The following EHMT2 variants were observed in gnomAD, a reference collection of about 807,000 sequenced individuals.
EHMT2 encodes the protein histone-lysine N-methyltransferase EHMT2.
In EHMT2, 59 loss-of-function variants were observed where a neutral mutation model predicts 143.3. The ratio of observed to expected loss-of-function variants is 0.41; its 90% CI spans 0.33 to 0.51. The LOEUF (loss-of-function observed/expected upper bound fraction) is 0.51, where lower values mean the gene tolerates loss of function less well. EHMT2 is among the 20% of genes least tolerant of loss of function. EHMT2 has a pLI of 0.18. For synonymous variants in EHMT2, 604 were observed against 651.5 expected, an observed-to-expected ratio of 0.93 and a Z score of 1.11; for missense variants, 1,174 against 1,645.9, an observed-to-expected ratio of 0.71 and a Z score of 4.96.
exon 14 of EHMT2, chr6:31,887,804 C>T: frequency 6.2e-7 from 1 of 1,604,232 alleles, no homozygotes; most frequent in Non-Finnish European, 8.5e-7. Context: ...ATGACCAGGG[C>T]CTTTTCCAGG....
chr6:31,884,389 C>T lies in EHMT2; in HGVS notation c.2771+3G>A, dbSNP rs1562481002. ...TGGGTGCAGAGAGGGGCCCAGGGCT[C>T]ACCGGCAGATGATCTTCTCTGTGCG... On this transcript the variant is annotated splice_donor_region_variant and intron_variant, in intron 21 of 27. Coordinates refer to ENST00000375537, the Ensembl canonical transcript of EHMT2. This position sits in a 1 kb window ranked among gnomAD's most constrained non-coding sequence, Gnocchi z 7.3. 1 of 1,610,424 alleles carries T rather than the reference C, an allele frequency of 6.2e-7. No homozygotes were observed. Among genetic ancestry groups the T allele is most frequent in the South Asian group, 1.1e-5 (1 of 90,996 alleles).
chr6:31,896,960 C>A, exon 2 of EHMT2: 1 of 1,589,260 alleles, frequency 6.3e-7, no homozygotes, highest in Non-Finnish European at 8.5e-7. Flanking sequence ...TCTCCAGCAG[C>A]AGCGCCCCCA....
chr6:31,896,813 A>G, exon 3 of EHMT2: 1 of 1,612,970 alleles, frequency 6.2e-7, no homozygotes, highest in Non-Finnish European at 8.5e-7. Flanking sequence ...GTGTCCCCCA[A>G]AGAGCCATGA....
rs1423534695 is a variant in EHMT2 at position 31,881,396 on chromosome 6, G to A, written c.3198-304C>T. ...GGACACAGAGAGGTTTGTGTTCCAGGAGCCACCCGGCAGGAATGGGCGATA... is the reference window on the plus strand; with the variant it reads ...GGACACAGAGAGGTTTGTGTTCCAGAAGCCACCCGGCAGGAATGGGCGATA... On this transcript the variant is annotated intron_variant, in intron 25 of 27. Transcript: ENST00000375537. This position sits in a 1 kb window ranked among gnomAD's most constrained non-coding sequence, Gnocchi z 4.8. 2.0e-6 allele frequency: 1 copy of A among 511,772 alleles called. No individual in the cohort carries two copies. The highest frequency in any genetic ancestry group is 3.6e-6 in the Non-Finnish European group (1 of 281,460). 31.7% of individuals were successfully genotyped at this position (511,772 alleles called of 1,614,324 possible).
rs200766242 is a variant in EHMT2, at chr6:31,889,069, T to C, written c.1116A>G (p.Gly372=). ...GGCCTGAGGAGCCCACACCATTCACTCCTGACACAGAGACAGAGAGAGTGA... is the reference window on the plus strand; with the variant it reads ...GGCCTGAGGAGCCCACACCATTCACCCCTGACACAGAGACAGAGAGAGTGA... The change falls in exon 10 of 28, where the codon GGA becomes GGG. Residue 372 remains glycine, a splice_region_variant and synonymous_variant. Coordinates refer to ENST00000375537, the Ensembl canonical transcript of EHMT2. This position sits in a 1 kb window ranked among gnomAD's most constrained non-coding sequence, Gnocchi z 5.1. The C allele has an allele frequency of 1.5e-4, 239 of 1,602,156 alleles. 2 individuals carry two copies. The highest frequency in any genetic ancestry group is 6.8e-4 in the Middle Eastern group (4 of 5,924).
chr6:31,884,468 A>T lies in EHMT2; in HGVS notation c.2695T>A (p.Phe899Ile). The change falls in exon 21 of 28, where the codon TTT becomes ATT. Residue 899 changes from phenylalanine to isoleucine, a missense_variant. By Grantham distance (21) the Phe-to-Ile change is conservative. Around this residue, in one of 6 missense-constraint regions of EHMT2, gnomAD observed 608 missense variants for 903.7 expected, o/e 0.67. Coordinates refer to ENST00000375537, the Ensembl canonical transcript of EHMT2. The surrounding 1 kb of genome is among the most constrained non-coding windows in gnomAD (Gnocchi z 7.3). Reference sequence around the variant, plus strand: ...AGCTTGCGGTTGAGTTGAAGCGCAAACCACACGTCGGAGCGCTCGGGAGTC... The same window carrying T: ...AGCTTGCGGTTGAGTTGAAGCGCAATCCACACGTCGGAGCGCTCGGGAGTC... 6.2e-7 allele frequency: 1 copy of T among 1,612,914 alleles called. No homozygotes were observed.
intron 25 of EHMT2, among the ~76,000 whole-genome samples, chr6:31,882,246 TGAG>T (rs1320631671): frequency 2.0e-5 from 3 of 151,994 alleles, no homozygotes; most frequent in Non-Finnish European, 4.4e-5. Flanking sequence ...GACAGGCCCC[TGAG>T]GAGGTGGACA....
intron 24 of EHMT2, 49 bp downstream of exon 24, chr6:31,882,845 G>C (rs1338824286): frequency 1.2e-6 from 2 of 1,611,702 alleles, no homozygotes; most frequent in East Asian, 4.5e-5. Context: ...CAGGGGCAGG[G>C]AGGAAAGGGT....
rs1481635529 is a variant in EHMT2 at position 31,884,258 on chromosome 6, G to C, written c.2771+134C>G. The C allele has an allele frequency of 9.6e-7, 1 of 1,043,946 alleles. No individual in the cohort carries two copies. The highest frequency in any genetic ancestry group is 1.6e-5 in the African/African-American group (1 of 62,660). The allele number at this position is 1,043,946 out of a possible 1,614,324, so 64.7% of individuals were successfully genotyped here. On this transcript the variant is annotated intron_variant, in intron 21 of 27. Transcript: ENST00000375537. The surrounding 1 kb of genome is among the most constrained non-coding windows in gnomAD (Gnocchi z 7.3). ...ATCTGGCAACCCTAGTGGGGAGGGG[G>C]CCTGTGGGTGGTTCTGGGGATTCAG...
rs1562501314 is a variant in EHMT2, at chr6:31,889,632, A to G, written c.865-30T>C. ...GAGAGAGGCAGAACAGACATATCCA[A>G]CCCCCAGGACTCAGACAATGAGGTG... On this transcript the variant is annotated intron_variant, in intron 7 of 27. Coordinates refer to ENST00000375537, the Ensembl canonical transcript of EHMT2. This position sits in a 1 kb window ranked among gnomAD's most constrained non-coding sequence, Gnocchi z 5.1. 2 of 1,604,676 alleles carry G rather than the reference A, an allele frequency of 1.2e-6. No homozygotes were observed. Among genetic ancestry groups the G allele is most frequent in the Admixed American group, 1.7e-5 (1 of 59,784 alleles).
chr6:31,893,738 T>C (rs1765998071), intron 4 of EHMT2: 1 of 254,158 alleles, frequency 3.9e-6, no homozygotes, highest in Non-Finnish European at 7.9e-6. Context: ...CTAAGTGAAA[T>C]AAGCCAGTCA....
Position 31,889,230 on chromosome 6 carries a change from C to G in EHMT2, c.1112G>C (p.Arg371Pro). ...CAAAAGCAGCAGAGCCTCCTCACCT[C>G]GTGGCTCCTTGGCCCGCGGAGGCTC... Residue 371 changes from arginine (R) to proline (P), a missense_variant and splice_region_variant, in exon 9 of 28, where the codon CGA (arginine) becomes CCA (proline). By Grantham distance (103) the Arg-to-Pro change is moderately radical. This residue lies in a region of EHMT2 where 608 missense variants were observed against 903.7 expected (regional missense o/e 0.67). Transcript: ENST00000375537. The surrounding 1 kb of genome is among the most constrained non-coding windows in gnomAD (Gnocchi z 5.1). 6.2e-7 allele frequency: 1 copy of G among 1,605,050 alleles called. No homozygotes were observed. Among genetic ancestry groups the G allele is most frequent in the Non-Finnish European group, 8.5e-7 (1 of 1,176,758 alleles).
rs751539183 is a variant in EHMT2 at position 31,889,062 on chromosome 6, C to CATT, written c.1120_1122dup (p.Asn374dup). ...TCACTGGGGCCTGAGGAGCCCACAC[C>CATT]ATTCACTCCTGACACAGAGACAGAG... On this transcript the variant is annotated inframe_insertion, in exon 10 of 28. Transcript: ENST00000375537. This position sits in a 1 kb window ranked among gnomAD's most constrained non-coding sequence, Gnocchi z 5.1. 66 of 1,604,040 alleles carry CATT rather than the reference C, an allele frequency of 4.1e-5. No individual in the cohort carries two copies. Among genetic ancestry groups the CATT allele is most frequent in the Non-Finnish European group, 5.5e-5 (65 of 1,176,298 alleles).
chr6:31,884,265 G>A lies in EHMT2; in HGVS notation c.2771+127C>T. On this transcript the variant is annotated intron_variant, in intron 21 of 27. Transcript: ENST00000375537. The surrounding 1 kb of genome is among the most constrained non-coding windows in gnomAD (Gnocchi z 7.3). The stretch of plus-strand genomic sequence containing the variant: ...AACCCTAGTGGGGAGGGGGCCTGTG[G>A]GTGGTTCTGGGGATTCAGTGGTGCA... 1.8e-6 allele frequency: 2 copies of A among 1,139,766 alleles called. No homozygotes were observed. 70.6% of individuals were successfully genotyped at this position (1,139,766 alleles called of 1,614,324 possible). A position where few individuals can be genotyped will look rare whatever the true frequency, so the allele number is the denominator to read the frequency against.
chr6:31,886,735 CCT>C (rs1764901291), intron 17 of EHMT2, 38 bp downstream of exon 17: 10 of 1,613,756 alleles, frequency 6.2e-6, no homozygotes, highest in Non-Finnish European at 8.5e-6. Context: ...AAACCTGGTC[CCT>C]GACTCCGGGG....
At position 31,881,976 on chromosome 6, in the gene EHMT2, G is replaced by A. The variant is rs113481736; in HGVS notation, c.3197+723C>T. 6.6e-6 allele frequency among the ~76,000 whole-genome samples: 1 copy of A among 152,020 alleles called. No homozygotes were observed. The highest frequency in any genetic ancestry group is 1.5e-5 in the Non-Finnish European group (1 of 68,000). Reference sequence around the variant, plus strand: ...AAAAATTAGCCGGGTGTGGTGGTGCGCACCTGTAATCCCAGCTACTTGGGA... The same window carrying A: ...AAAAATTAGCCGGGTGTGGTGGTGCACACCTGTAATCCCAGCTACTTGGGA... On this transcript the variant is annotated intron_variant, in intron 25 of 27. Coordinates refer to ENST00000375537, the Ensembl canonical transcript of EHMT2. This position sits in a 1 kb window ranked among gnomAD's most constrained non-coding sequence, Gnocchi z 4.8.
At chr6:31,890,139 A>C (rs1323392339) in intron 7 of EHMT2, among the ~76,000 whole-genome samples, 3 of 152,208 alleles carry the variant, frequency 2.0e-5, no homozygotes, top group Non-Finnish European at 4.4e-5. Context: ...CTATCAGTTT[A>C]CAAGAAATAT....
chr6:31,882,781 G>C, exon 25 of EHMT2: 1 of 1,612,066 alleles, frequency 6.2e-7, no homozygotes, highest in Non-Finnish European at 8.5e-7. Context: ...AGCTGTAGCC[G>C]CACCCTGGGG....
intron 4 of EHMT2, 35 bp from the exon 5 acceptor site, chr6:31,892,945 G>A (rs774448825): frequency 1.4e-6 from 2 of 1,476,414 alleles, no homozygotes; most frequent in East Asian, 2.3e-5. Context: ...GAGGGTCAGA[G>A]AGCACCTACA....
Sources: gnomAD v4.1 joint callset for allele counts (sites outside exome capture counted in the v4.1 genomes callset) on GRCh38, gnomAD v4.1.1 for gene constraint, gnomAD v4.1.1 regional missense constraint, Gnocchi (gnomAD v3.1) non-coding constraint, MANE v1.5 for transcripts, NCBI Gene and HGNC (gene_info 2026-07-23, HGNC 2026-07-21) for gene names.